Variants in TNFSF11 observed in about 807,000 individuals in gnomAD.
TNFSF11 encodes TNF superfamily member 11.
A neutral mutation model predicts 32.2 loss-of-function variants in TNFSF11; 12 were observed. The ratio of observed to expected loss-of-function variants is 0.37; its 90% CI spans 0.24 to 0.60. TNFSF11 has a LOEUF of 0.60. Among genes scored for constraint, TNFSF11 ranks in the 20% least tolerant of loss-of-function variants. The probability of loss-of-function intolerance (pLI) is 0.66; values close to 1 mark genes in which losing one functional copy is unlikely to be tolerated. For missense variants in TNFSF11, 345 were observed against 398.0 expected (o/e 0.87, Z 1.13); for synonymous variants, 172 against 152.1 (o/e 1.13, Z -0.96).
chr13:42,580,286 G>C (rs1230399537), intron 1 of TNFSF11, among the ~76,000 whole-genome samples: 1 of 152,172 alleles, frequency 6.6e-6, no homozygotes, highest in Non-Finnish European at 1.5e-5. Context: ...AAAGAGTAGT[G>C]ATTAAAGATA....
upstream of TNFSF11, among the ~76,000 whole-genome samples, chr13:42,573,729 A>C (rs1873154556): frequency 6.6e-6 from 1 of 152,172 alleles, no homozygotes; most frequent in African/African-American, 2.4e-5. Context: ...GTTGGACAGG[A>C]AGGGTCTTCA....
chr13:42,564,355 G>C (rs1217493983), intron 1 of TNFSF11, among the ~76,000 whole-genome samples: 2 of 152,104 alleles, frequency 1.3e-5, no homozygotes, highest in African/African-American at 4.8e-5. Flanking sequence ...ACCACCTGAG[G>C]TCAGGAGTTC....
intron 1 of TNFSF11, 119 bp downstream of exon 1, chr13:42,574,641 A>G (rs758836877): frequency 7.6e-5 from 95 of 1,252,552 alleles, no homozygotes; most frequent in Admixed American, 3.0e-4. Flanking sequence ...TCCGGAAGGG[A>G]AAGTGACTCC....
rs545039116 is a variant in TNFSF11, at chr13:42,600,672, A to G, written c.388-80A>G. The G allele has an allele frequency of 9.8e-6, 14 of 1,432,894 alleles. No homozygotes were observed. In the African/African-American group the frequency reaches 1.3e-4, roughly 13 times the overall value. 88.8% of individuals were successfully genotyped at this position (1,432,894 alleles called of 1,614,324 possible). On this transcript the variant is annotated intron_variant, in intron 2 of 4. Transcript: ENST00000398795. ...AAGGAAAAGAGGGTTAATTTGTTGC[A>G]TATGTAACAGCCCTGAATTCTTATT...
In TNFSF11 at chr13:42,606,697, A is replaced by C; in HGVS notation, c.733A>C (p.Thr245Pro). ...TCAACTAATGGTGTACGTCACTAAA[A>C]CCAGCATCAAAATCCCAAGTTCTCA... The part of the protein sequence containing the change: ...YLQLMVYVTK[T>P]SIKIPSSHTL... Residue 245 changes from threonine (T) to proline (P), a missense_variant, in exon 5 of 5, where the codon ACC becomes CCC. This residue lies in a region of TNFSF11 where 148 missense variants were observed against 216.0 expected (regional missense o/e 0.69). Transcript: ENST00000398795. The C allele has an allele frequency of 6.2e-7, 1 of 1,614,220 alleles. No homozygotes were observed. Among genetic ancestry groups the C allele is most frequent in the Non-Finnish European group, 8.5e-7 (1 of 1,180,028 alleles).
In TNFSF11 at chr13:42,576,068, T is replaced by C. The variant is rs1873299786; in HGVS notation, c.219+1546T>C. On this transcript the variant is annotated intron_variant, in intron 1 of 4. Transcript: ENST00000398795. Reference sequence around the variant, plus strand: ...ATAGCAGAGTGGCCTAATAAAACCATTAAAATTCTTAGTCAAACAAAAGAG... The same window carrying C: ...ATAGCAGAGTGGCCTAATAAAACCACTAAAATTCTTAGTCAAACAAAAGAG... Among the ~76,000 whole-genome samples the C allele has an allele frequency of 2.0e-5, 3 of 152,304 alleles. No homozygotes were observed. The South Asian group carries it at 6.2e-4, about 32-fold the overall frequency.
chr13:42,602,413 G>A (rs1198213413), intron 4 of TNFSF11, among the ~76,000 whole-genome samples: 1 of 152,016 alleles, frequency 6.6e-6, no homozygotes, highest in Admixed American at 6.6e-5. Flanking sequence ...GTTTTTCTCG[G>A]AGTTAAAGAA....
chr13:42,571,958 TAC>T (rs1405321720), upstream of TNFSF11, among the ~76,000 whole-genome samples: 1 of 152,240 alleles, frequency 6.6e-6, no homozygotes, highest in Non-Finnish European at 1.5e-5. Context: ...TGGTGAATGT[TAC>T]AGAGGTGAAT....
At position 42,574,185 on chromosome 13, in the gene TNFSF11, C is replaced by CGGGCTCCAAGTCGGCGCCCCACGTCG; in HGVS notation, c.-118_-93dup. On this transcript the variant is annotated 5_prime_UTR_variant, in exon 1 of 5. Transcript: ENST00000398795. ...GCCCGCGCGCCCCAGGACCCAAAGC[C>CGGGCTCCAAGTCGGCGCCCCACGTCG]GGGCTCCAAGTCGGCGCCCCACGTC... 7.2e-7 allele frequency: 1 copy of CGGGCTCCAAGTCGGCGCCCCACGTCG among 1,387,730 alleles called. No homozygotes were observed. The allele number at this position is 1,387,730 out of a possible 1,614,324, so 86.0% of individuals were successfully genotyped here.
At chr13:42,568,699 G>A (rs956738635) in intron 2 of TNFSF11, among the ~76,000 whole-genome samples, 2 of 152,158 alleles carry the variant, frequency 1.3e-5, no homozygotes, top group Admixed American at 6.5e-5. Flanking sequence ...AAAAGAAGAA[G>A]AGTGATCAAA....
At chr13:42,606,417 T>A in intron 4 of TNFSF11, 80 bp from the exon 5 acceptor site, 1 of 1,552,238 alleles carries the variant, frequency 6.4e-7, no homozygotes, top group Admixed American at 1.7e-5. Context: ...CTATTTTTTC[T>A]CCCTAACCTC....
chr13:42,581,328 C>G (rs1873605631), intron 2 of TNFSF11, 35 bp downstream of exon 2: 1 of 1,610,716 alleles, frequency 6.2e-7, no homozygotes, highest in Non-Finnish European at 8.5e-7. Context: ...GTCAAGGGCC[C>G]TTGCTGACTC....
chr13:42,579,198 G>A (rs1273227844), intron 1 of TNFSF11, among the ~76,000 whole-genome samples: 4 of 151,812 alleles, frequency 2.6e-5, no homozygotes, highest in Admixed American at 1.3e-4. Flanking sequence ...TTCAAGACAA[G>A]CCTGGGCAAC....
chr13:42,566,724 T>C (rs1872884121), exon 2 of TNFSF11: 1 of 152,404 alleles, frequency 6.6e-6, no homozygotes, highest in South Asian at 2.1e-4. Context: ...CCAGGCGTGG[T>C]GGCTCATGCC....
At chr13:42,566,663 C>G (rs1447815205) in exon 2 of TNFSF11, 1 of 152,266 alleles carries the variant, frequency 6.6e-6, no homozygotes, top group African/African-American at 2.4e-5. Context: ...ATATTGAACA[C>G]AGATCTAGAT....
chr13:42,601,561 C>CTGTA (rs774635718), intron 4 of TNFSF11, among the ~76,000 whole-genome samples: 3 of 152,238 alleles, frequency 2.0e-5, no homozygotes, highest in Non-Finnish European at 4.4e-5. Flanking sequence ...CCTACAGCTA[C>CTGTA]TGTAATACAC....
In TNFSF11 at chr13:42,581,170, T is replaced by C. The variant is rs375252335; in HGVS notation, c.264T>C (p.Tyr88=). 1.9e-6 allele frequency: 3 copies of C among 1,614,140 alleles called. No individual in the cohort carries two copies. The highest frequency in any genetic ancestry group is 2.5e-6 in the Non-Finnish European group (3 of 1,179,992). Residue 88 remains tyrosine, a synonymous_variant, in exon 2 of 5, where the codon TAT becomes TAC. Transcript: ENST00000398795. ...RISEDGTHCI[Y]RILRLHENAD... is the part of the protein sequence containing the mutation. ...CAGAAGATGGCACTCACTGCATTTA[T>C]AGAATTTTGAGACTCCATGAAAATG...
At chr13:42,572,436 G>T (rs577919812), upstream of TNFSF11, among the ~76,000 whole-genome samples, 4 of 152,208 alleles carry the variant, frequency 2.6e-5, no homozygotes, top group African/African-American at 9.6e-5. Flanking sequence ...TTATAAGAAA[G>T]AAGAAATATG....
chr13:42,566,260 G>A (rs1293568644), intron 1 of TNFSF11, among the ~76,000 whole-genome samples: 2 of 152,140 alleles, frequency 1.3e-5, no homozygotes, highest in Admixed American at 1.3e-4. Flanking sequence ...TTCTTATGCT[G>A]CCATCCTGGT....
Sources: gnomAD v4.1 joint callset for allele counts (sites outside exome capture counted in the v4.1 genomes callset) on GRCh38, gnomAD v4.1.1 for gene constraint, gnomAD v4.1.1 regional missense constraint, MANE v1.5 for transcripts, NCBI Gene and HGNC (gene_info 2026-07-23, HGNC 2026-07-21) for gene names.